Variants in MSH4 observed in about 807,000 individuals in gnomAD.
MSH4 encodes mutS homolog 4.
In MSH4, 106 loss-of-function variants were observed where a neutral mutation model predicts 113.7. The observed-to-expected ratio is 0.93, with a 90% CI of 0.80 to 1.10. The LOEUF (loss-of-function observed/expected upper bound fraction) is 1.10, where lower values mean the gene tolerates loss of function less well. Ranked by LOEUF, MSH4 falls within the 50% of genes least tolerant of loss-of-function variation. The pLI is 0.00. For missense variants in MSH4, 1,061 were observed against 1,093.7 expected, an observed-to-expected ratio of 0.97 and a Z score of 0.42; for synonymous variants, 368 against 380.2, an observed-to-expected ratio of 0.97 and a Z score of 0.37.
chr1:75,899,450 G>T lies in MSH4; in HGVS notation c.2531-168G>T, dbSNP rs577805400. Among the ~76,000 whole-genome samples the T allele has an allele frequency of 2.6e-5, 4 of 152,192 alleles. No individual in the cohort carries two copies. The East Asian group carries it at 7.7e-4, about 29-fold the overall frequency. On this transcript the variant is annotated intron_variant, in intron 18 of 19. Coordinates refer to ENST00000263187, the MANE Select transcript of MSH4 (RefSeq NM_002440.4). ...AATTAAATCTAATAATTGGCAAGTT[G>T]TCATCCAGAATTTTAGAAAGCTTAA...
chr1:75,869,612 G>A (rs1651667547), intron 9 of MSH4, among the ~76,000 whole-genome samples: 1 of 152,182 alleles, frequency 6.6e-6, no homozygotes, highest in Non-Finnish European at 1.5e-5. Flanking sequence ...ATGGCTAAAA[G>A]TGGCCAACAC....
intron 19 of MSH4, among the ~76,000 whole-genome samples, chr1:75,900,447 G>A (rs1468894916): frequency 4.0e-5 from 6 of 151,304 alleles, no homozygotes; most frequent in Admixed American, 6.6e-5. Context: ...GATTACAAGC[G>A]CCCACCACCA....
rs766668717 is a variant in MSH4 at position 75,797,168 on chromosome 1, C to T, written c.183C>T (p.Gly61=). The T allele has an allele frequency of 1.8e-5, 29 of 1,610,990 alleles. No individual in the cohort carries two copies. Among genetic ancestry groups the T allele is most frequent in the Non-Finnish European group, 2.3e-5 (27 of 1,178,770 alleles). ...STCPGTSGAA[G]DRSSSSSSLP... The stretch of plus-strand genomic sequence containing the variant: ...GTCCTGGCACGTCAGGAGCTGCGGG[C>T]GACCGGAGCAGCAGCAGCAGCAGCC... The change falls in exon 1 of 20, where the codon GGC becomes GGT. Residue 61 remains glycine (G), a synonymous_variant. Coordinates refer to ENST00000263187, the MANE Select transcript of MSH4 (RefSeq NM_002440.4).
At chr1:75,895,807 A>G (rs1652366936) in intron 17 of MSH4, among the ~76,000 whole-genome samples, 1 of 152,112 alleles carries the variant, frequency 6.6e-6, no homozygotes, top group Non-Finnish European at 1.5e-5. Flanking sequence ...TGTGCTGAAG[A>G]CAGTTGTATC....
chr1:75,824,557 C>A (rs562946656), intron 7 of MSH4, among the ~76,000 whole-genome samples: 10 of 152,230 alleles, frequency 6.6e-5, no homozygotes, highest in African/African-American at 2.4e-4. Context: ...ATGCCTATAT[C>A]CTGAATGGTA....
At chr1:75,810,434 T>C (rs1650166470) in intron 3 of MSH4, among the ~76,000 whole-genome samples, 1 of 148,278 alleles carries the variant, frequency 6.7e-6, no homozygotes, top group Non-Finnish European at 1.5e-5. Flanking sequence ...TTTTTTTTTT[T>C]AGTAGAGACA....
At chr1:75,851,191 TTGA>T (rs1358681520) in intron 8 of MSH4, among the ~76,000 whole-genome samples, 3 of 147,866 alleles carry the variant, frequency 2.0e-5, no homozygotes, top group African/African-American at 7.4e-5. Context: ...AATAAGATTA[TTGA>T]TATGTTTTTA....
chr1:75,875,494 T>C (rs1651800047), intron 9 of MSH4, among the ~76,000 whole-genome samples: 1 of 152,170 alleles, frequency 6.6e-6, no homozygotes, highest in Non-Finnish European at 1.5e-5. Flanking sequence ...GAAATTTCTA[T>C]GACAAAAACC....
At chr1:75,888,226 T>C (rs1184615080) in intron 15 of MSH4, among the ~76,000 whole-genome samples, 1 of 151,806 alleles carries the variant, frequency 6.6e-6, no homozygotes, top group African/African-American at 2.4e-5. Context: ...GGCTTTGGTT[T>C]TTTTGCTGCT....
At chr1:75,875,185 C>T (rs568131230) in intron 9 of MSH4, among the ~76,000 whole-genome samples, 5 of 152,260 alleles carry the variant, frequency 3.3e-5, no homozygotes, top group South Asian at 2.1e-4. Flanking sequence ...TGAGCCATGG[C>T]GCCAGGCCAA....
At chr1:75,831,241 C>G (rs765126268) in intron 7 of MSH4, among the ~76,000 whole-genome samples, 27 of 152,144 alleles carry the variant, frequency 1.8e-4, no homozygotes, top group Non-Finnish European at 2.8e-4. Flanking sequence ...AGAGCTAACT[C>G]TCCTAAATAT....
chr1:75,881,516 A>G (rs1451474248), intron 14 of MSH4, 146 bp downstream of exon 14: 2 of 799,770 alleles, frequency 2.5e-6, no homozygotes, highest in African/African-American at 3.7e-5. Flanking sequence ...CACAAAATAA[A>G]GAAAGTGAGA....
At chr1:75,801,786 C>G (rs1030544145) in intron 1 of MSH4, among the ~76,000 whole-genome samples, 3 of 152,052 alleles carry the variant, frequency 2.0e-5, no homozygotes, top group Admixed American at 2.0e-4. Context: ...CAGGAGGTTA[C>G]TTGAGCCCAT....
intron 9 of MSH4, among the ~76,000 whole-genome samples, chr1:75,870,794 A>G (rs1651697519): frequency 6.6e-6 from 1 of 152,184 alleles, no homozygotes; most frequent in Admixed American, 6.5e-5. Flanking sequence ...GGACTAATAC[A>G]AATATGTATA....
At chr1:75,907,687 TA>T (rs757051234) in intron 19 of MSH4, among the ~76,000 whole-genome samples, 7,519 of 64,088 alleles carry the variant, frequency 0.12, 416 homozygotes, top group African/African-American at 0.17. Context: ...TCTCTCTCTA[TA>T]CATATATATA....
chr1:75,878,149 G>C lies in MSH4; in HGVS notation c.1371G>C (p.Arg457Ser), dbSNP rs372381142. Reference protein sequence around the residue: ...RAYYGSLEDKRFGIILEKIKT... With the variant: ...RAYYGSLEDKSFGIILEKIKT... ...GTTTTTCTTTTGGCCTTAATATTAG[G>C]TTTGGAATCATACTTGAAAAGATTA... Residue 457 changes from arginine to serine, a missense_variant and splice_region_variant, in exon 11 of 20, where the codon AGG becomes AGC. Coordinates refer to ENST00000263187, the MANE Select transcript of MSH4 (RefSeq NM_002440.4). The C allele has an allele frequency of 1.3e-6, 2 of 1,577,840 alleles. No homozygotes were observed. Among genetic ancestry groups the C allele is most frequent in the African/African-American group, 2.7e-5 (2 of 73,310 alleles).
chr1:75,867,806 C>T (rs924017248), intron 9 of MSH4, among the ~76,000 whole-genome samples: 2 of 151,868 alleles, frequency 1.3e-5, no homozygotes, highest in African/African-American at 4.8e-5. Context: ...TACTAAGGTA[C>T]TAAGTACTTA....
intron 1 of MSH4, among the ~76,000 whole-genome samples, chr1:75,802,703 AATT>A (rs1203871333): frequency 2.6e-5 from 4 of 152,190 alleles, no homozygotes; most frequent in Middle Eastern, 3.2e-3. Flanking sequence ...GAGGTCTAAT[AATT>A]ATTATACAAA....
At chr1:75,839,099 A>G (rs775748886) in intron 7 of MSH4, among the ~76,000 whole-genome samples, 5 of 152,188 alleles carry the variant, frequency 3.3e-5, no homozygotes, top group African/African-American at 7.2e-5. Flanking sequence ...AATTTTGATG[A>G]TAAACTTGGA....
Sources: allele counts gnomAD v4.1 joint callset (sites outside exome capture counted in the v4.1 genomes callset), GRCh38; gene constraint gnomAD v4.1.1; transcripts MANE v1.5; gene names NCBI Gene and HGNC (gene_info 2026-07-23, HGNC 2026-07-21).